ECHDC1: variants seen among roughly 807,000 people sequenced by gnomAD.
ECHDC1 encodes the protein ethylmalonyl-CoA decarboxylase.
Under a neutral mutation model 29.7 loss-of-function variants are expected in ECHDC1, and 29 were observed. The ratio of observed to expected loss-of-function variants is 0.98; its 90% confidence interval spans 0.73 to 1.33. ECHDC1 has a LOEUF of 1.33. Ranked by LOEUF, ECHDC1 falls within the 40% of genes most tolerant of loss-of-function variation. The probability of loss-of-function intolerance (pLI) is 0.00; values close to 1 mark genes in which losing one functional copy is unlikely to be tolerated. For missense variants in ECHDC1, 328 were observed against 350.0 expected (o/e 0.94, Z 0.50); for synonymous variants, 126 against 123.1 (o/e 1.02, Z -0.15).
intron 3 of ECHDC1, among the ~76,000 whole-genome samples, chr6:127,318,156 C>A (rs1582974183): frequency 6.6e-6 from 1 of 152,078 alleles, no homozygotes; most frequent in South Asian, 2.1e-4. Flanking sequence ...ATTACCATAC[C>A]CCTCCTCCAA....
At position 127,327,999 on chromosome 6, in the gene ECHDC1, C is replaced by T. The variant is rs534035968; in HGVS notation, c.221-855G>A. 1.4e-4 allele frequency among the ~76,000 whole-genome samples: 21 copies of T among 152,324 alleles called. 1 individual carries two copies. Among genetic ancestry groups the T allele is most frequent in the Admixed American group, 1.3e-3 (20 of 15,310 alleles). Reference sequence around the variant, plus strand: ...AGAAGCCAATGTATAAAGATCATAACAGCGGGTTAAAACTGGCAAAAAATT... The same window carrying T: ...AGAAGCCAATGTATAAAGATCATAATAGCGGGTTAAAACTGGCAAAAAATT... On this transcript the variant is annotated intron_variant, in intron 2 of 5. Coordinates refer to ENST00000454859, the MANE Select transcript of ECHDC1 (RefSeq NM_001002030.2).
intron 1 of ECHDC1, among the ~76,000 whole-genome samples, chr6:127,340,680 T>G (rs954959332): frequency 9.2e-5 from 14 of 152,124 alleles, no homozygotes; most frequent in African/African-American, 3.4e-4. Context: ...ATTTCCACCT[T>G]GATAACTTTA....
rs559755986 is a variant in ECHDC1, at chr6:127,330,711, G to A, written c.220+98C>T. On this transcript the variant is annotated intron_variant, in intron 2 of 5. Coordinates refer to ENST00000454859, the MANE Select transcript of ECHDC1 (RefSeq NM_001002030.2). ...TCTCATGTTCTACCAAGAGTACAAG[G>A]ACTTTAAAACATTCTGTCACCACAG... The A allele has an allele frequency of 3.1e-6, 3 of 975,816 alleles. No homozygotes were observed. In the South Asian group the frequency reaches 4.8e-5, roughly 15 times the overall value. 60.4% of individuals were successfully genotyped at this position (975,816 alleles called of 1,614,324 possible). A position where few individuals can be genotyped will look rare whatever the true frequency, so the allele number is the denominator to read the frequency against.
intron 3 of ECHDC1, among the ~76,000 whole-genome samples, chr6:127,318,946 G>T (rs1398354485): frequency 6.6e-6 from 1 of 152,020 alleles, no homozygotes; most frequent in Non-Finnish European, 1.5e-5. Flanking sequence ...AAAGTAAACT[G>T]GTTTATTCTC....
At chr6:127,339,871 A>C (rs1037531732) in intron 1 of ECHDC1, among the ~76,000 whole-genome samples, 63 of 152,188 alleles carry the variant, frequency 4.1e-4, no homozygotes, top group African/African-American at 1.2e-3. Flanking sequence ...GCTACAAGTG[A>C]GGGTATCATA....
intron 1 of ECHDC1, among the ~76,000 whole-genome samples, chr6:127,332,705 T>C (rs948193582): frequency 1.3e-5 from 2 of 152,192 alleles, no homozygotes; most frequent in Admixed American, 1.3e-4. Context: ...GCTCAGTGAA[T>C]CTGCATTTTT....
At chr6:127,341,811 G>C (rs1583027458) in intron 1 of ECHDC1, among the ~76,000 whole-genome samples, 1 of 152,142 alleles carries the variant, frequency 6.6e-6, no homozygotes, top group African/African-American at 2.4e-5. Context: ...GAAGACTAAC[G>C]CAAACTCATA....
chr6:127,338,496 A>G (rs1583020517), intron 1 of ECHDC1, among the ~76,000 whole-genome samples: 1 of 152,140 alleles, frequency 6.6e-6, no homozygotes, highest in African/African-American at 2.4e-5. Flanking sequence ...AATGAATCCA[A>G]TAACATTAAA....
chr6:127,321,930 G>A (rs1435516564), intron 3 of ECHDC1, among the ~76,000 whole-genome samples: 2 of 152,118 alleles, frequency 1.3e-5, no homozygotes, highest in Admixed American at 6.5e-5. Flanking sequence ...TTGAACCCAG[G>A]AGGTGGAGGT....
chr6:127,312,916 A>G (rs560061682), intron 5 of ECHDC1: 1 of 152,328 alleles, frequency 6.6e-6, no homozygotes, highest in East Asian at 1.9e-4. Context: ...GAAGGCAGAC[A>G]TTAAAAAGTA....
intron 1 of ECHDC1, among the ~76,000 whole-genome samples, chr6:127,333,366 A>G (rs1784134989): frequency 6.6e-6 from 1 of 152,072 alleles, no homozygotes; most frequent in Non-Finnish European, 1.5e-5. Context: ...TTTTCCTTTC[A>G]CATATTATAT....
intron 3 of ECHDC1, among the ~76,000 whole-genome samples, chr6:127,316,971 C>A (rs1022962216): frequency 6.6e-6 from 1 of 152,188 alleles, no homozygotes; most frequent in Admixed American, 6.5e-5. Flanking sequence ...TAAGAGTAGT[C>A]CAAACTCATT....
At chr6:127,314,511 G>T (rs1443585616) in intron 5 of ECHDC1, among the ~76,000 whole-genome samples, 1 of 151,884 alleles carries the variant, frequency 6.6e-6, no homozygotes, top group Non-Finnish European at 1.5e-5. Context: ...AATTCTTTTG[G>T]ATTTTTAAGT....
chr6:127,316,518 A>G lies in ECHDC1; in HGVS notation c.364-16T>C, dbSNP rs761332405. 2.5e-6 allele frequency: 4 copies of G among 1,592,356 alleles called. No individual in the cohort carries two copies. Among genetic ancestry groups the G allele is most frequent in the Admixed American group, 3.6e-5 (2 of 55,740 alleles). ...CCATTCCATCCTTTAAATAAAAATA[A>G]GCAGAAACACAAAGGTATAATGCAA... On this transcript the variant is annotated splice_polypyrimidine_tract_variant and intron_variant, in intron 3 of 5. Coordinates refer to ENST00000454859, the MANE Select transcript of ECHDC1 (RefSeq NM_001002030.2).
chr6:127,314,925 C>A (rs777534740), intron 4 of ECHDC1, 29 bp from the exon 5 acceptor site: 2 of 1,578,820 alleles, frequency 1.3e-6, no homozygotes, highest in Non-Finnish European at 8.7e-7. Context: ...ACTGATGTTA[C>A]TATTTTTAAT....
At chr6:127,298,031 AAAC>A (rs1295423299) in intron 5 of ECHDC1, among the ~76,000 whole-genome samples, 2 of 152,196 alleles carry the variant, frequency 1.3e-5, no homozygotes, top group Non-Finnish European at 2.9e-5. Context: ...GAAACAACAA[AAAC>A]AACAGTGAAC....
chr6:127,317,837 T>C (rs1172687972), intron 3 of ECHDC1: 1 of 152,188 alleles, frequency 6.6e-6, no homozygotes, highest in East Asian at 1.9e-4. Flanking sequence ...CATTAGTTCA[T>C]ACCTGTGTTA....
chr6:127,321,732 G>C (rs1028182557), intron 3 of ECHDC1, among the ~76,000 whole-genome samples: 2 of 152,206 alleles, frequency 1.3e-5, no homozygotes, highest in Admixed American at 6.5e-5. Flanking sequence ...GCCAGGTGCA[G>C]TGGCTCACGC....
intron 2 of ECHDC1, among the ~76,000 whole-genome samples, chr6:127,328,285 A>G (rs1783548324): frequency 6.6e-6 from 1 of 152,242 alleles, no homozygotes; most frequent in Non-Finnish European, 1.5e-5. Context: ...AGATTAAAAT[A>G]GAGCTAAAAA....
Sources: gnomAD v4.1 joint callset for allele counts (sites outside exome capture counted in the v4.1 genomes callset) on GRCh38, gnomAD v4.1.1 for gene constraint, MANE v1.5 for transcripts, NCBI Gene and HGNC (gene_info 2026-07-23, HGNC 2026-07-21) for gene names.